The following PHACTR4 variants were observed in gnomAD, a reference collection of about 807,000 sequenced individuals.
The protein encoded by PHACTR4 is protein phosphatase 1, regulatory subunit 124.
In PHACTR4, 51 loss-of-function variants were observed where a neutral mutation model predicts 72.7. The ratio of observed to expected loss-of-function variants is 0.70; its 90% CI spans 0.56 to 0.89. The LOEUF (loss-of-function observed/expected upper bound fraction) is 0.89, where lower values mean the gene tolerates loss of function less well. PHACTR4 is among the 40% of genes least tolerant of loss of function. The probability of loss-of-function intolerance (pLI) is 0.00; values close to 1 mark genes in which losing one functional copy is unlikely to be tolerated. For missense variants in PHACTR4, 731 were observed against 861.8 expected (o/e 0.85, Z 1.90); for synonymous variants, 255 against 302.5 (o/e 0.84, Z 1.63).
chr1:28,433,861 A>G (rs1196041714), intron 2 of PHACTR4, among the ~76,000 whole-genome samples: 1 of 151,264 alleles, frequency 6.6e-6, no homozygotes, highest in East Asian at 1.9e-4. Flanking sequence ...GGTCACTGCA[A>G]CCTCCGCTTC....
chr1:28,452,913 G>T lies in PHACTR4; in HGVS notation c.17-6172G>T, dbSNP rs186347770. Among the ~76,000 whole-genome samples the T allele has an allele frequency of 1.7e-3, 258 of 152,346 alleles. 1 individual carries two copies. Among genetic ancestry groups the T allele is most frequent in the African/African-American group, 5.9e-3 (245 of 41,582 alleles). Reference sequence around the variant, plus strand: ...GTGGGTGGATCACTTGAGGTCAGGAGCTCGAGACCAGCCTAGCCAACATGG... The same window carrying T: ...GTGGGTGGATCACTTGAGGTCAGGATCTCGAGACCAGCCTAGCCAACATGG... On this transcript the variant is annotated intron_variant, in intron 2 of 13. Transcript: ENST00000373839.
At chr1:28,474,570 T>G (rs1659798212) in intron 7 of PHACTR4, among the ~76,000 whole-genome samples, 1 of 150,404 alleles carries the variant, frequency 6.6e-6, no homozygotes, top group Non-Finnish European at 1.5e-5. Context: ...CGAGATGGAG[T>G]CCTGCTCTGT....
intron 2 of PHACTR4, among the ~76,000 whole-genome samples, chr1:28,431,283 T>G (rs1403907024): frequency 2.7e-5 from 4 of 147,482 alleles, no homozygotes; most frequent in African/African-American, 9.9e-5. Context: ...GGCGGGTGGA[T>G]CATGAGGTCA....
intron 1 of PHACTR4, among the ~76,000 whole-genome samples, chr1:28,388,204 A>G (rs910952358): frequency 6.6e-6 from 1 of 152,136 alleles, no homozygotes; most frequent in Non-Finnish European, 1.5e-5. Flanking sequence ...AAAACACCAA[A>G]AAAAGATGTC....
intron 2 of PHACTR4, among the ~76,000 whole-genome samples, chr1:28,410,309 G>A (rs1313090446): frequency 6.6e-6 from 1 of 151,336 alleles, no homozygotes; most frequent in Non-Finnish European, 1.5e-5. Flanking sequence ...GTTAAATCTT[G>A]AAGAATTTGG....
chr1:28,421,297 G>C (rs1569895062), intron 2 of PHACTR4, among the ~76,000 whole-genome samples: 2 of 152,070 alleles, frequency 1.3e-5, no homozygotes, highest in East Asian at 3.9e-4. Context: ...TTATAATTGA[G>C]GCTTCCATTG....
rs1005620821 is a variant in PHACTR4, at chr1:28,453,877, G to A, written c.17-5208G>A. The A allele has an allele frequency of 1.4e-5, 12 of 858,354 alleles. No individual in the cohort carries two copies. In the Admixed American group the frequency reaches 1.6e-4, roughly 12 times the overall value. The allele number at this position is 858,354 out of a possible 1,614,324, so 53.2% of individuals were successfully genotyped here. On this transcript the variant is annotated intron_variant, in intron 2 of 13. Transcript: ENST00000373839. ...AGCATAAAAGTTGCTACTGGATCAGGACCAAAAGAAGAGGACCCTGGATGT... is the reference window on the plus strand; with the variant it reads ...AGCATAAAAGTTGCTACTGGATCAGAACCAAAAGAAGAGGACCCTGGATGT...
At chr1:28,393,023 T>C (rs1470153793) in intron 1 of PHACTR4, among the ~76,000 whole-genome samples, 1 of 152,126 alleles carries the variant, frequency 6.6e-6, no homozygotes, top group Non-Finnish European at 1.5e-5. Flanking sequence ...TTGAGTGCAA[T>C]TGGATTCAGT....
At chr1:28,403,204 G>A (rs955061999) in intron 1 of PHACTR4, among the ~76,000 whole-genome samples, 1 of 152,148 alleles carries the variant, frequency 6.6e-6, no homozygotes, top group Admixed American at 6.6e-5. Context: ...AGAAGGGAGG[G>A]GACAGGAGCA....
At chr1:28,447,212 G>T (rs571449561) in intron 2 of PHACTR4, among the ~76,000 whole-genome samples, 73 of 151,690 alleles carry the variant, frequency 4.8e-4, no homozygotes, top group African/African-American at 1.6e-3. Context: ...GGGTTTCGCC[G>T]TATTGGCCAG....
At chr1:28,428,198 C>T (rs1200241439) in intron 2 of PHACTR4, among the ~76,000 whole-genome samples, 1 of 152,100 alleles carries the variant, frequency 6.6e-6, no homozygotes, top group Admixed American at 6.6e-5. Context: ...TCCCCTTTTC[C>T]TTCATCCCAC....
chr1:28,493,223 G>T lies in PHACTR4; in HGVS notation c.2093+132G>T, dbSNP rs900913121. 2.5e-5 allele frequency: 19 copies of T among 765,578 alleles called. No individual in the cohort carries two copies. The African/African-American group carries it at 3.3e-4, about 13-fold the overall frequency. 47.4% of individuals were successfully genotyped at this position (765,578 alleles called of 1,614,324 possible). A position where few individuals can be genotyped will look rare whatever the true frequency, so the allele number is the denominator to read the frequency against. On this transcript the variant is annotated intron_variant, in intron 13 of 13. Transcript: ENST00000373839. ...GTTGATTGCAAGACTGCATTCAAAG[G>T]GATGAAAAGTAAGAAGCAATAGTAA...
At chr1:28,375,551 T>C (rs1365209898) in intron 1 of PHACTR4, among the ~76,000 whole-genome samples, 2 of 151,404 alleles carry the variant, frequency 1.3e-5, no homozygotes, top group East Asian at 3.9e-4. Flanking sequence ...CCAGGCATGG[T>C]AGTGGACATC....
chr1:28,381,157 C>T (rs1432581006), intron 1 of PHACTR4, among the ~76,000 whole-genome samples: 1 of 150,848 alleles, frequency 6.6e-6, no homozygotes, highest in Admixed American at 6.7e-5. Context: ...CAGGCCCACA[C>T]CACCACGCCC....
chr1:28,429,853 G>T (rs1456313300), intron 2 of PHACTR4, among the ~76,000 whole-genome samples: 1 of 152,084 alleles, frequency 6.6e-6, no homozygotes, highest in Non-Finnish European at 1.5e-5. Flanking sequence ...AACATATATT[G>T]GTAGGTGTAA....
chr1:28,415,987 G>GCC (rs1655082972), intron 2 of PHACTR4, among the ~76,000 whole-genome samples: 1 of 152,044 alleles, frequency 6.6e-6, no homozygotes, highest in Non-Finnish European at 1.5e-5. Context: ...AAGAACATTT[G>GCC]CCAAGGAGCC....
At chr1:28,469,836 G>GGCC (rs1659449686) in intron 6 of PHACTR4, among the ~76,000 whole-genome samples, 1 of 149,670 alleles carries the variant, frequency 6.7e-6, no homozygotes, top group Non-Finnish European at 1.5e-5. Context: ...TGGGCAGATC[G>GGCC]CTTGAGGCCC....
At chr1:28,464,613 TC>T in intron 4 of PHACTR4, among the ~76,000 whole-genome samples, 1 of 152,306 alleles carries the variant, frequency 6.6e-6, no homozygotes, top group South Asian at 2.1e-4. Context: ...AATGATTTCT[TC>T]TTCATTCCTA....
rs780028378 is a variant in PHACTR4 at position 28,487,727 on chromosome 1, G to GTTTTTTTTTTT, written c.1761-1427_1761-1417dup. Reference sequence around the variant, plus strand: ...AAATGACAAATTGTAGTTTTTTGTTGTTTTTTTTTTTTTTTTTTTTTTTTT... The same window carrying GTTTTTTTTTTT: ...AAATGACAAATTGTAGTTTTTTGTTGTTTTTTTTTTTTTTTTTTTTTTTTTTTTTTTTTTTT... On this transcript the variant is annotated intron_variant, in intron 9 of 13. Transcript: ENST00000373839. 9.6e-4 allele frequency among the ~76,000 whole-genome samples: 61 copies of GTTTTTTTTTTT among 63,308 alleles called. 5 individuals are homozygous for GTTTTTTTTTTT. The highest frequency in any genetic ancestry group is 1.4e-3 in the African/African-American group (25 of 17,970). The allele number at this position is 63,308 out of a possible 152,430, so 41.5% of individuals were successfully genotyped here.
Sources: allele counts gnomAD v4.1 joint callset (sites outside exome capture counted in the v4.1 genomes callset), GRCh38; gene constraint gnomAD v4.1.1; transcripts MANE v1.5; gene names NCBI Gene and HGNC (gene_info 2026-07-23, HGNC 2026-07-21).